ACTR2: variants seen among roughly 807,000 people sequenced by gnomAD.
ACTR2 encodes the protein actin-related protein 2.
Under a neutral mutation model 50.2 loss-of-function variants are expected in ACTR2, and 5 were observed. That is an observed-to-expected ratio of 0.10 (90% CI 0.05 to 0.21). The LOEUF (loss-of-function observed/expected upper bound fraction) is 0.21, where lower values mean the gene tolerates loss of function less well. ACTR2 is among the 10% of genes least tolerant of loss of function. The probability of loss-of-function intolerance (pLI) is 1.00; values close to 1 mark genes in which losing one functional copy is unlikely to be tolerated. For missense variants in ACTR2, 180 were observed against 480.6 expected (o/e 0.37, Z 5.85); for synonymous variants, 140 against 162.9 (o/e 0.86, Z 1.07).
In ACTR2 at chr2:65,269,563, A is replaced by G. The variant is rs935887068; in HGVS notation, c.*829A>G. ...AGACTCCCTACAGTCCTTCAATGGA[A>G]AAGTAACATTTAAAAATCCTTTGGG... On this transcript the variant is annotated 3_prime_UTR_variant, in exon 9 of 9. Coordinates refer to ENST00000260641, the MANE Select transcript of ACTR2 (RefSeq NM_005722.4). 3.3e-5 allele frequency: 5 copies of G among 152,236 alleles called. No homozygotes were observed. The highest frequency in any genetic ancestry group is 1.9e-4 in the East Asian group (1 of 5,208). 9.4% of individuals were successfully genotyped at this position (152,236 alleles called of 1,614,324 possible). A position where few individuals can be genotyped will look rare whatever the true frequency, so the allele number is the denominator to read the frequency against.
At chr2:65,263,802 G>A (rs1427260211) in intron 7 of ACTR2, among the ~76,000 whole-genome samples, 1 of 151,914 alleles carries the variant, frequency 6.6e-6, no homozygotes, top group Non-Finnish European at 1.5e-5. Context: ...CACTTTGGGA[G>A]GCTGAGGCCG....
chr2:65,234,823 TTTCATTCATTCA>T (rs898904728), intron 1 of ACTR2, among the ~76,000 whole-genome samples: 55 of 152,302 alleles, frequency 3.6e-4, no homozygotes, highest in African/African-American at 1.3e-3. Flanking sequence ...TAGGTTCTCT[TTTCATTCATTCA>T]TTCATTCTAT....
At chr2:65,266,096 T>C (rs1672367999) in intron 8 of ACTR2, among the ~76,000 whole-genome samples, 1 of 152,228 alleles carries the variant, frequency 6.6e-6, no homozygotes, top group Non-Finnish European at 1.5e-5. Flanking sequence ...TCAGCAAACA[T>C]TTCTTGAACT....
chr2:65,263,076 C>G (rs926350706), intron 7 of ACTR2, among the ~76,000 whole-genome samples: 3 of 151,498 alleles, frequency 2.0e-5, no homozygotes, highest in African/African-American at 4.8e-5. Flanking sequence ...GAGTCTCGCT[C>G]TGTCGCCAGG....
chr2:65,269,053 G>C lies in ACTR2; in HGVS notation c.*319G>C, dbSNP rs12560. On this transcript the variant is annotated 3_prime_UTR_variant, in exon 9 of 9. Transcript: ENST00000260641. ...CTTTACTGCTCTAATGCTGCTAGTC[G>C]TAGTCTTTAGCACACTAGGTGGTAT... is the stretch of plus-strand genomic sequence containing the variant. 4.8e-6 allele frequency: 1 copy of C among 207,574 alleles called. No homozygotes were observed. Among genetic ancestry groups the C allele is most frequent in the South Asian group, 1.1e-4 (1 of 9,112 alleles). 12.9% of individuals were successfully genotyped at this position (207,574 alleles called of 1,614,324 possible). A position where few individuals can be genotyped will look rare whatever the true frequency, so the allele number is the denominator to read the frequency against.
At chr2:65,262,542 GTA>G (rs35744047) in intron 7 of ACTR2, among the ~76,000 whole-genome samples, 49,221 of 151,688 alleles carry the variant, frequency 0.32, 8,649 homozygotes, top group East Asian at 0.72. Context: ...GTAAATGCAT[GTA>G]TATTTTTGTT....
At chr2:65,251,941 A>G (rs1436495962) in intron 4 of ACTR2, among the ~76,000 whole-genome samples, 2 of 145,146 alleles carry the variant, frequency 1.4e-5, no homozygotes, top group Non-Finnish European at 3.0e-5. Context: ...TTTTTTTTTT[A>G]TGGTCTTATA....
At chr2:65,267,605 C>G (rs561388898) in intron 8 of ACTR2, among the ~76,000 whole-genome samples, 44 of 152,206 alleles carry the variant, frequency 2.9e-4, no homozygotes, top group Admixed American at 8.5e-4. Flanking sequence ...TGTGTCCTTC[C>G]TAGACACTTA....
intron 8 of ACTR2, among the ~76,000 whole-genome samples, chr2:65,266,432 G>A (rs1306233112): frequency 6.6e-6 from 1 of 152,126 alleles, no homozygotes; most frequent in African/African-American, 2.4e-5. Flanking sequence ...AGTGTGGCTG[G>A]AGCAGAGTGA....
At chr2:65,263,434 G>A (rs1355210432) in intron 7 of ACTR2, among the ~76,000 whole-genome samples, 1 of 152,056 alleles carries the variant, frequency 6.6e-6, no homozygotes, top group Non-Finnish European at 1.5e-5. Flanking sequence ...TCTAGAGCTT[G>A]AGTCATAGTT....
intron 3 of ACTR2, among the ~76,000 whole-genome samples, chr2:65,248,428 A>G (rs1364451095): frequency 6.6e-6 from 1 of 152,038 alleles, no homozygotes; most frequent in Non-Finnish European, 1.5e-5. Flanking sequence ...TTGGGCTTTT[A>G]CTGTGGGTGA....
intron 4 of ACTR2, among the ~76,000 whole-genome samples, chr2:65,252,511 G>A (rs529173128): frequency 6.6e-6 from 1 of 151,986 alleles, no homozygotes; most frequent in Non-Finnish European, 1.5e-5. Context: ...TGGGCATGGT[G>A]GCATGTGCCT....
At chr2:65,262,471 C>T (rs1230431309) in intron 7 of ACTR2, among the ~76,000 whole-genome samples, 2 of 151,014 alleles carry the variant, frequency 1.3e-5, no homozygotes, top group Admixed American at 6.6e-5. Flanking sequence ...GAACTCCTGG[C>T]CTCAAGTGAT....
In ACTR2 at chr2:65,270,400, G is replaced by A. The variant is rs552005226; in HGVS notation, c.*1666G>A. ...TGTCTGTTTTACCTCAATTTGAACA[G>A]ATAAGTTTGCCTGCATGCTGGACAT... is the stretch of plus-strand genomic sequence containing the variant. On this transcript the variant is annotated 3_prime_UTR_variant, in exon 9 of 9. Transcript: ENST00000260641. 3.3e-5 allele frequency: 5 copies of A among 152,710 alleles called. No homozygotes were observed. Among genetic ancestry groups the A allele is most frequent in the Admixed American group, 2.6e-4 (4 of 15,288 alleles). 9.5% of individuals were successfully genotyped at this position (152,710 alleles called of 1,614,324 possible).
chr2:65,263,584 T>C (rs1672318069), intron 7 of ACTR2, among the ~76,000 whole-genome samples: 2 of 152,134 alleles, frequency 1.3e-5, no homozygotes, highest in Non-Finnish European at 2.9e-5. Flanking sequence ...AGGATAGTAA[T>C]AGAAATTAAT....
At chr2:65,245,292 G>T (rs1234535517) in intron 2 of ACTR2, among the ~76,000 whole-genome samples, 1 of 152,054 alleles carries the variant, frequency 6.6e-6, no homozygotes, top group Non-Finnish European at 1.5e-5. Flanking sequence ...GGCCGAGATG[G>T]GTGAATTACT....
At chr2:65,239,486 T>TCCA (rs1671802461) in intron 1 of ACTR2, among the ~76,000 whole-genome samples, 2 of 152,232 alleles carry the variant, frequency 1.3e-5, no homozygotes, top group African/African-American at 4.8e-5. Context: ...TTAGCATTTG[T>TCCA]TCAGCGAATT....
intron 3 of ACTR2, among the ~76,000 whole-genome samples, chr2:65,249,724 C>A (rs1573158708): frequency 6.6e-6 from 1 of 152,138 alleles, no homozygotes. Context: ...GCAGGATGTT[C>A]CCAGCTGACC....
At chr2:65,266,884 T>C (rs1421921957) in intron 8 of ACTR2, among the ~76,000 whole-genome samples, 1 of 152,132 alleles carries the variant, frequency 6.6e-6, no homozygotes, top group African/African-American at 2.4e-5. Context: ...TGACAGCAGG[T>C]GCAATTTGTC....
Sources: gnomAD v4.1 joint callset for allele counts (sites outside exome capture counted in the v4.1 genomes callset) on GRCh38, gnomAD v4.1.1 for gene constraint, MANE v1.5 for transcripts, NCBI Gene and HGNC (gene_info 2026-07-23, HGNC 2026-07-21) for gene names.